VPS35L: variants seen among roughly 807,000 people sequenced by gnomAD.
VPS35L encodes the protein VPS35 endosomal protein-sorting factor-like.
In VPS35L, 83 loss-of-function variants were observed where a neutral mutation model predicts 133.0. The ratio of observed to expected loss-of-function variants is 0.62; its 90% CI spans 0.52 to 0.75. VPS35L has a LOEUF of 0.75. Ranked by LOEUF, VPS35L falls within the 30% of genes least tolerant of loss-of-function variation. The pLI is 0.00. For synonymous variants in VPS35L, 423 were observed against 449.9 expected (o/e 0.94, Z 0.76); for missense variants, 1,083 against 1,206.8 (o/e 0.90, Z 1.52).
chr16:19,598,443 A>G (rs1972282326), intron 8 of VPS35L, among the ~76,000 whole-genome samples: 1 of 152,200 alleles, frequency 6.6e-6, no homozygotes, highest in Non-Finnish European at 1.5e-5. Flanking sequence ...TAATAGACAA[A>G]TCACTTTTTT....
intron 26 of VPS35L, among the ~76,000 whole-genome samples, chr16:19,661,825 C>G (rs1315798501): frequency 6.6e-6 from 1 of 152,132 alleles, no homozygotes; most frequent in African/African-American, 2.4e-5. Flanking sequence ...AGAGTCCATG[C>G]AGTGTGTGGC....
chr16:19,623,865 G>T (rs1973171037), intron 14 of VPS35L, among the ~76,000 whole-genome samples: 1 of 147,856 alleles, frequency 6.8e-6, no homozygotes, highest in South Asian at 2.1e-4. Flanking sequence ...GTGCTGTGGT[G>T]CAGTCTTGGC....
intron 7 of VPS35L, among the ~76,000 whole-genome samples, chr16:19,582,614 C>T (rs578158874): frequency 8.5e-5 from 13 of 152,254 alleles, no homozygotes; most frequent in East Asian, 1.9e-4. Flanking sequence ...CCTGGAAGCC[C>T]GTGGAGAGGG....
chr16:19,680,664 C>G (rs1308485790), intron 27 of VPS35L, among the ~76,000 whole-genome samples: 1 of 152,180 alleles, frequency 6.6e-6, no homozygotes, highest in African/African-American at 2.4e-5. Context: ...TTAATCCCAG[C>G]AGTTCAGGAG....
intron 29 of VPS35L, among the ~76,000 whole-genome samples, chr16:19,693,861 T>TCAAGGCTGCGGCGG (rs1975797519): frequency 6.8e-6 from 1 of 147,718 alleles, no homozygotes; most frequent in African/African-American, 2.5e-5. Flanking sequence ...AGGCGGGAAT[T>TCAAGGCTGCGGCGG]GAAGGCTGCG....
chr16:19,688,277 A>G (rs2151623449), intron 28 of VPS35L, among the ~76,000 whole-genome samples: 1 of 152,162 alleles, frequency 6.6e-6, no homozygotes, highest in East Asian at 1.9e-4. Context: ...TGTGTTTCTC[A>G]TAAATATTGT....
At chr16:19,631,520 A>G (rs539591661) in intron 18 of VPS35L, among the ~76,000 whole-genome samples, 2 of 152,124 alleles carry the variant, frequency 1.3e-5, no homozygotes, top group East Asian at 3.9e-4. Context: ...TTTACATTTT[A>G]TTATGGAAAT....
intron 12 of VPS35L, among the ~76,000 whole-genome samples, chr16:19,611,272 T>G (rs1039825276): frequency 6.6e-6 from 1 of 152,204 alleles, no homozygotes; most frequent in African/African-American, 2.4e-5. Context: ...AGTGCTGGGA[T>G]TACAGGCGTG....
chr16:19,669,856 A>G (rs9930195), intron 27 of VPS35L, among the ~76,000 whole-genome samples: 13,897 of 151,800 alleles, frequency 0.092, 861 homozygotes, highest in East Asian at 0.21. Context: ...TTTTTAGTAG[A>G]GATGGAGTTT....
Position 19,627,713 on chromosome 16 carries a change from G to A in VPS35L, c.1291G>A (p.Val431Met). 6.2e-7 allele frequency: 1 copy of A among 1,613,796 alleles called. No homozygotes were observed. Among genetic ancestry groups the A allele is most frequent in the Non-Finnish European group, 8.5e-7 (1 of 1,179,718 alleles). ...TTGCAGTGCCTTGCTGTTGAATTCT[G>A]TGATGTCTGCCTTCCGGGCTGAGTT... ...LGNNALLLNS[V>M]MSAFRAEFIA... is the part of the protein sequence containing the mutation. Residue 431 changes from valine to methionine, a missense_variant, in exon 16 of 31, where the codon GTG (valine) becomes ATG (methionine). Coordinates refer to ENST00000417362, the MANE Select transcript of VPS35L (RefSeq NM_020314.7).
chr16:19,581,453 G>C, intron 6 of VPS35L, 72 bp from the exon 7 acceptor site: 1 of 1,415,522 alleles, frequency 7.1e-7, no homozygotes, highest in South Asian at 1.7e-5. Flanking sequence ...CCAATACCTA[G>C]TATTCTTTAT....
chr16:19,651,657 G>A (rs937840122), intron 25 of VPS35L, among the ~76,000 whole-genome samples: 1 of 152,170 alleles, frequency 6.6e-6, no homozygotes, highest in East Asian at 1.9e-4. Flanking sequence ...TTTAGCAACT[G>A]TTTCTAATTA....
chr16:19,645,022 C>A, intron 23 of VPS35L, 73 bp downstream of exon 23: 1 of 1,060,620 alleles, frequency 9.4e-7, no homozygotes, highest in Non-Finnish European at 1.4e-6. Context: ...TTGGCGAAAG[C>A]AGTTAACATT....
At chr16:19,602,864 A>G (rs904489114) in intron 9 of VPS35L, among the ~76,000 whole-genome samples, 1 of 151,466 alleles carries the variant, frequency 6.6e-6, no homozygotes, top group African/African-American at 2.4e-5. Flanking sequence ...TCGGCCTCCC[A>G]AAGTGCTGGG....
At chr16:19,640,668 A>C (rs1369606929) in intron 21 of VPS35L, among the ~76,000 whole-genome samples, 1 of 152,158 alleles carries the variant, frequency 6.6e-6, no homozygotes, top group African/African-American at 2.4e-5. Flanking sequence ...CATTTTTTTG[A>C]TTAAGTCTGT....
chr16:19,661,074 A>G (rs1974470131), intron 26 of VPS35L, among the ~76,000 whole-genome samples: 1 of 151,176 alleles, frequency 6.6e-6, no homozygotes, highest in Non-Finnish European at 1.5e-5. Flanking sequence ...TCTTATATAT[A>G]TATATATATA....
chr16:19,647,898 C>G lies in VPS35L; in HGVS notation c.2028+16C>G. The stretch of plus-strand genomic sequence containing the variant: ...GTTGATTCATGTAAGTATTTTCATT[C>G]ATTAGTTTCTTCTCTCAGTAAATAT... On this transcript the variant is annotated intron_variant, in intron 24 of 30. Transcript: ENST00000417362. 2 of 1,571,074 alleles carry G rather than the reference C, an allele frequency of 1.3e-6. No homozygotes were observed. The highest frequency in any genetic ancestry group is 8.8e-7 in the Non-Finnish European group (1 of 1,141,154).
At chr16:19,626,310 C>T (rs1973259800) in intron 15 of VPS35L, 87 bp downstream of exon 15, 1 of 973,712 alleles carries the variant, frequency 1.0e-6, no homozygotes, top group East Asian at 2.4e-5. Context: ...TGGGTATGAG[C>T]TGAAGAGAGA....
intron 22 of VPS35L, among the ~76,000 whole-genome samples, chr16:19,643,484 TGGAA>T (rs1442132540): frequency 1.3e-5 from 2 of 152,220 alleles, no homozygotes; most frequent in Non-Finnish European, 2.9e-5. Context: ...ATCTTCTTCC[TGGAA>T]GCTGATGTAC....
Sources: allele counts gnomAD v4.1 joint callset (sites outside exome capture counted in the v4.1 genomes callset), GRCh38; gene constraint gnomAD v4.1.1; transcripts MANE v1.5; gene names NCBI Gene and HGNC (gene_info 2026-07-23, HGNC 2026-07-21).